Variants in GMEB1 observed in about 807,000 individuals in gnomAD.
GMEB1 encodes glucocorticoid modulatory element-binding protein 1.
In GMEB1, 6 loss-of-function variants were observed where a neutral mutation model predicts 52.4. That is an observed-to-expected ratio of 0.11 (90% CI 0.06 to 0.23). The LOEUF (loss-of-function observed/expected upper bound fraction) is 0.23. Ranked by LOEUF, GMEB1 falls within the 10% of genes least tolerant of loss-of-function variation. The probability of loss-of-function intolerance (pLI) is 1.00; values close to 1 mark genes in which losing one functional copy is unlikely to be tolerated. For missense variants in GMEB1, 486 were observed against 685.6 expected, an observed-to-expected ratio of 0.71 and a Z score of 3.25; for synonymous variants, 255 against 244.9, an observed-to-expected ratio of 1.04 and a Z score of -0.38.
intron 2 of GMEB1, among the ~76,000 whole-genome samples, chr1:28,686,502 G>A (rs866289321): frequency 7.9e-5 from 12 of 151,734 alleles, no homozygotes; most frequent in Middle Eastern, 6.8e-3. Context: ...GGTGGCACGC[G>A]CCTGTAATCC....
At chr1:28,675,798 C>T (rs1373155435) in intron 1 of GMEB1, among the ~76,000 whole-genome samples, 2 of 152,140 alleles carry the variant, frequency 1.3e-5, no homozygotes, top group Non-Finnish European at 2.9e-5. Flanking sequence ...TCAACTCACT[C>T]ATCTTGCCTC....
At chr1:28,672,727 A>G (rs994917225) in intron 1 of GMEB1, among the ~76,000 whole-genome samples, 1 of 143,698 alleles carries the variant, frequency 7.0e-6, no homozygotes, top group Non-Finnish European at 1.5e-5. Flanking sequence ...CCTGGGTGAC[A>G]TATTGTTCCT....
At chr1:28,690,663 T>C (rs995613228) in intron 3 of GMEB1, among the ~76,000 whole-genome samples, 4 of 152,086 alleles carry the variant, frequency 2.6e-5, no homozygotes, top group Non-Finnish European at 4.4e-5. Context: ...ATTTAACACC[T>C]AGGAAACAAT....
At chr1:28,702,214 A>T (rs1044399144) in intron 6 of GMEB1, among the ~76,000 whole-genome samples, 1 of 152,138 alleles carries the variant, frequency 6.6e-6, no homozygotes, top group Non-Finnish European at 1.5e-5. Flanking sequence ...TTCACTTTCT[A>T]TTCAAAGTAA....
intron 7 of GMEB1, among the ~76,000 whole-genome samples, chr1:28,703,178 G>A (rs1335611628): frequency 6.6e-6 from 1 of 152,134 alleles, no homozygotes; most frequent in Non-Finnish European, 1.5e-5. Flanking sequence ...ACATTTCTTA[G>A]ATAGACTAAG....
chr1:28,704,093 T>C (rs1367997871), intron 7 of GMEB1, 99 bp from the exon 8 acceptor site: 1 of 1,113,636 alleles, frequency 9.0e-7, no homozygotes, highest in African/African-American at 1.6e-5. Flanking sequence ...AAGAAATCAT[T>C]TTGAGTTAAA....
chr1:28,714,868 T>A lies in GMEB1; in HGVS notation c.*95T>A. On this transcript the variant is annotated 3_prime_UTR_variant, in exon 10 of 10. Transcript: ENST00000373816. ...TCCCACTCATTTCCACATAGGACCC[T>A]TTTTTAAAAAAAAAAAAACAAAATC... is the stretch of plus-strand genomic sequence containing the variant. 1 of 806,606 alleles carries A rather than the reference T, an allele frequency of 1.2e-6. No homozygotes were observed. Among genetic ancestry groups the A allele is most frequent in the Non-Finnish European group, 1.9e-6 (1 of 522,414 alleles). 50.0% of individuals were successfully genotyped at this position (806,606 alleles called of 1,614,324 possible).
chr1:28,710,406 T>G (rs1670993908), intron 8 of GMEB1, 114 bp from the exon 9 acceptor site: 1 of 629,184 alleles, frequency 1.6e-6, no homozygotes, highest in Non-Finnish European at 2.5e-6. Flanking sequence ...TGTGTTAAAA[T>G]GCAGTTAGGA....
rs181113153 is a variant in GMEB1 at position 28,686,103 on chromosome 1, G to A, written c.128+2363G>A. Among the ~76,000 whole-genome samples the A allele has an allele frequency of 1.5e-4, 23 of 152,276 alleles. No homozygotes were observed. In the East Asian group the frequency reaches 4.2e-3, roughly 28 times the overall value. ...TGCCTGTAATCCTAGCACTTTAGGA[G>A]GCCAAGATGGGAGGATCACATGAGC... On this transcript the variant is annotated intron_variant, in intron 2 of 9. Transcript: ENST00000373816.
chr1:28,703,795 T>G (rs192690667), intron 7 of GMEB1, among the ~76,000 whole-genome samples: 46 of 152,290 alleles, frequency 3.0e-4, no homozygotes, highest in Non-Finnish European at 5.9e-4. Flanking sequence ...ATATCTTAAT[T>G]AATATTTCAT....
Position 28,714,455 on chromosome 1 carries a change from A to G in GMEB1, c.1374A>G (p.Ser458=), listed in dbSNP as rs141124348. Residue 458 remains serine, a synonymous_variant, in exon 10 of 10, where the codon TCA becomes TCG. Transcript: ENST00000373816. ...SSPDTVTIHP[S]SSLALLSSTA... is the part of the protein sequence containing the mutation. ...CAGACACAGTGACCATCCACCCTTC[A>G]TCTAGCTTGGCGCTGCTGAGCTCTA... is the stretch of plus-strand genomic sequence containing the variant. 1.2e-5 allele frequency: 20 copies of G among 1,614,128 alleles called. No individual in the cohort carries two copies. The African/African-American group carries it at 1.5e-4, about 12-fold the overall frequency.
chr1:28,683,664 A>T lies in GMEB1; in HGVS notation c.52A>T (p.Thr18Ser). 2 of 1,611,804 alleles carry T rather than the reference A, an allele frequency of 1.2e-6. No individual in the cohort carries two copies. Among genetic ancestry groups the T allele is most frequent in the South Asian group, 2.2e-5 (2 of 90,578 alleles). Residue 18 changes from threonine to serine, a missense_variant, in exon 2 of 10, where the codon ACT (threonine) becomes TCT (serine). By Grantham distance (58) the Thr-to-Ser change is moderately conservative. Coordinates refer to ENST00000373816, the MANE Select transcript of GMEB1 (RefSeq NM_001319674.2). ...VPVGDVVVVPTEGNEGENPED... is the reference protein window; with the variant it reads ...VPVGDVVVVPSEGNEGENPED... ...AGTGGGGGATGTGGTTGTGGTACCT[A>T]CTGAAGGAAATGAAGGGGAGAATCC...
chr1:28,691,834 T>G, intron 4 of GMEB1, 125 bp downstream of exon 4: 1 of 205,050 alleles, frequency 4.9e-6, no homozygotes, highest in East Asian at 1.2e-4. Flanking sequence ...ATTTATTTAT[T>G]TATTTATTTA....
chr1:28,717,185 G>GTT lies in GMEB1; in HGVS notation c.*2427_*2428dup, dbSNP rs71027293. The GTT allele has an allele frequency of 4.9e-3, 678 of 139,154 alleles. 9 individuals are homozygous for GTT. The highest frequency in any genetic ancestry group is 7.9e-3 in the African/African-American group (299 of 37,834). The allele number at this position is 139,154 out of a possible 1,614,324, so 8.6% of individuals were successfully genotyped here. A position where few individuals can be genotyped will look rare whatever the true frequency, so the allele number is the denominator to read the frequency against. ...AACCCTGTAACATGGTAAGGTTGCT[G>GTT]TTTTTTTTTTTTTTTTCTTTTTGAG... On this transcript the variant is annotated 3_prime_UTR_variant, in exon 10 of 10. Coordinates refer to ENST00000373816, the MANE Select transcript of GMEB1 (RefSeq NM_001319674.2).
In GMEB1 at chr1:28,687,387, C is replaced by CAAAA. The variant is rs1242840628; in HGVS notation, c.129-2713_129-2710dup. 1.9e-3 allele frequency among the ~76,000 whole-genome samples: 77 copies of CAAAA among 41,102 alleles called. 20 individuals carry two copies. The highest frequency in any genetic ancestry group is 0.016 in the Middle Eastern group (1 of 62). The allele number at this position is 41,102 out of a possible 152,430, so 27.0% of individuals were successfully genotyped here. On this transcript the variant is annotated intron_variant, in intron 2 of 9. Transcript: ENST00000373816. ...ACACACACACACACACACACACACA[C>CAAAA]AAAAAAAGACAGTGGAGAATAATGT...
chr1:28,688,409 A>C (rs954665743), intron 2 of GMEB1, among the ~76,000 whole-genome samples: 1 of 152,158 alleles, frequency 6.6e-6, no homozygotes, highest in African/African-American at 2.4e-5. Context: ...ACAAAGGAGA[A>C]TATTCAGGCA....
intron 9 of GMEB1, among the ~76,000 whole-genome samples, chr1:28,713,157 C>CAA (rs1222945447): frequency 7.6e-4 from 58 of 76,330 alleles, no homozygotes; most frequent in South Asian, 1.6e-3. Flanking sequence ...GACTCCATCT[C>CAA]AAAAAAAAAA....
At chr1:28,672,736 CTTTTTT>C (rs540343527) in intron 1 of GMEB1, among the ~76,000 whole-genome samples, 4 of 119,728 alleles carry the variant, frequency 3.3e-5, no homozygotes, top group Admixed American at 1.1e-4. Context: ...CATATTGTTC[CTTTTTT>C]TTTTTTTTTT....
chr1:28,675,011 G>A (rs1332101719), intron 1 of GMEB1, among the ~76,000 whole-genome samples: 3 of 114,316 alleles, frequency 2.6e-5, no homozygotes, highest in Middle Eastern at 7.4e-3. Context: ...GAGCCACCGC[G>A]CCCGGCCTTT....
Sources: allele counts gnomAD v4.1 joint callset (sites outside exome capture counted in the v4.1 genomes callset), GRCh38; gene constraint gnomAD v4.1.1; transcripts MANE v1.5; gene names NCBI Gene and HGNC (gene_info 2026-07-23, HGNC 2026-07-21).